CSMD2: variants seen among roughly 807,000 people sequenced by gnomAD.
The protein encoded by CSMD2 is CUB and Sushi multiple domains 2, also known as CUB and sushi domain-containing protein 2.
A neutral mutation model predicts 398.5 loss-of-function variants in CSMD2; 130 were observed. The ratio of observed to expected loss-of-function variants is 0.33; its 90% CI spans 0.28 to 0.38. CSMD2 has a LOEUF of 0.38. CSMD2 is among the 10% of genes least tolerant of loss of function. The probability of loss-of-function intolerance (pLI) is 1.00; values close to 1 mark genes in which losing one functional copy is unlikely to be tolerated. For synonymous variants in CSMD2, 1,828 were observed against 1,908.5 expected, an observed-to-expected ratio of 0.96 and a Z score of 1.10; for missense variants, 3,829 against 4,764.9, an observed-to-expected ratio of 0.80 and a Z score of 5.78.
At chr1:34,010,696 G>C (rs1218503969) in intron 3 of CSMD2, among the ~76,000 whole-genome samples, 1 of 151,728 alleles carries the variant, frequency 6.6e-6, no homozygotes, top group Non-Finnish European at 1.5e-5. Flanking sequence ...TCGGCTCACT[G>C]CAAGCTCCGC....
intron 6 of CSMD2, among the ~76,000 whole-genome samples, chr1:33,841,662 C>CT: frequency 6.6e-6 from 1 of 151,618 alleles, no homozygotes; most frequent in East Asian, 1.9e-4. Context: ...CCTTAAGGAA[C>CT]TTTAAAGTCT....
At chr1:34,009,833 T>C (rs959938545) in intron 3 of CSMD2, among the ~76,000 whole-genome samples, 1 of 152,164 alleles carries the variant, frequency 6.6e-6, no homozygotes, top group Non-Finnish European at 1.5e-5. Context: ...CCTATGTGAC[T>C]CAACCCTAGT....
intron 5 of CSMD2, among the ~76,000 whole-genome samples, chr1:33,866,714 G>T (rs978500583): frequency 6.6e-6 from 1 of 151,974 alleles, no homozygotes; most frequent in African/African-American, 2.4e-5. Context: ...TGCCTCCCTG[G>T]GGCCCTTGCT....
At chr1:33,541,873 T>G (rs1292171348) in intron 58 of CSMD2, among the ~76,000 whole-genome samples, 2 of 152,200 alleles carry the variant, frequency 1.3e-5, no homozygotes, top group Non-Finnish European at 2.9e-5. Flanking sequence ...ATTTGTCTGC[T>G]GAGGGGTACA....
intron 3 of CSMD2, among the ~76,000 whole-genome samples, chr1:34,000,184 T>C (rs931302802): frequency 6.6e-6 from 1 of 152,098 alleles, no homozygotes; most frequent in African/African-American, 2.4e-5. Context: ...TAAAACAAAG[T>C]ATCTCAGTCC....
At chr1:33,959,836 T>C (rs1645292274) in intron 3 of CSMD2, among the ~76,000 whole-genome samples, 1 of 152,180 alleles carries the variant, frequency 6.6e-6, no homozygotes, top group Admixed American at 6.5e-5. Flanking sequence ...CTGCATGCCA[T>C]TTATCCCAAT....
intron 1 of CSMD2, among the ~76,000 whole-genome samples, chr1:34,161,340 G>A (rs1214839872): frequency 6.6e-6 from 1 of 152,242 alleles, no homozygotes; most frequent in Non-Finnish European, 1.5e-5. Flanking sequence ...CTTGGCAGAA[G>A]AGATCTGTCT....
intron 3 of CSMD2, among the ~76,000 whole-genome samples, chr1:34,025,381 A>T (rs924585845): frequency 6.6e-6 from 1 of 152,176 alleles, no homozygotes; most frequent in African/African-American, 2.4e-5. Flanking sequence ...TGAAGCTTGG[A>T]TGAAAGTCAA....
Position 33,514,135 on chromosome 1 carries a change from A to G in CSMD2, c.*2489T>C, listed in dbSNP as rs1238152165. 1 of 152,624 alleles carries G rather than the reference A, an allele frequency of 6.6e-6. No homozygotes were observed. The highest frequency in any genetic ancestry group is 2.4e-5 in the African/African-American group (1 of 41,452). 9.5% of individuals were successfully genotyped at this position (152,624 alleles called of 1,614,324 possible). ...ACAGAGACAGATAAATTAAATGTAT[A>G]TACTGCAGACAAGCCAAGAAGGTGT... On this transcript the variant is annotated 3_prime_UTR_variant, in exon 71 of 71. Transcript: ENST00000373381.
At chr1:33,804,541 C>A (rs1471450060) in intron 10 of CSMD2, among the ~76,000 whole-genome samples, 1 of 151,630 alleles carries the variant, frequency 6.6e-6, no homozygotes, top group African/African-American at 2.4e-5. Context: ...TCCATCAGGA[C>A]TTACCTGCAC....
At chr1:33,978,888 A>C (rs761465212) in intron 3 of CSMD2, among the ~76,000 whole-genome samples, 4 of 152,206 alleles carry the variant, frequency 2.6e-5, no homozygotes, top group Non-Finnish European at 4.4e-5. Flanking sequence ...TCCTCTTAAC[A>C]ACTCCAAGAA....
intron 29 of CSMD2, 68 bp downstream of exon 29, chr1:33,646,580 T>C (rs1557669985): frequency 6.5e-7 from 1 of 1,547,552 alleles, no homozygotes; most frequent in Non-Finnish European, 8.9e-7. Flanking sequence ...CTCACTACGC[T>C]ACACTACTTG....
chr1:34,086,020 G>GGA (rs781295418), intron 2 of CSMD2, among the ~76,000 whole-genome samples: 2 of 130,192 alleles, frequency 1.5e-5, no homozygotes, highest in African/African-American at 2.9e-5. Flanking sequence ...AAGTTTCCTG[G>GGA]AAAAAAAAAA....
chr1:33,657,885 G>A (rs1643999034), intron 27 of CSMD2, 61 bp downstream of exon 27: 1 of 1,485,498 alleles, frequency 6.7e-7, no homozygotes, highest in African/African-American at 1.4e-5. Flanking sequence ...GTGCATGGAA[G>A]GTTCTGGAGC....
At chr1:33,936,062 T>C in intron 3 of CSMD2, 108 bp from the exon 4 acceptor site, 1 of 853,836 alleles carries the variant, frequency 1.2e-6, no homozygotes, top group South Asian at 1.7e-5. Flanking sequence ...TTCCTGGAAC[T>C]CATTTCTTCT....
At chr1:34,125,246 G>C (rs1432147117) in intron 1 of CSMD2, among the ~76,000 whole-genome samples, 1 of 152,138 alleles carries the variant, frequency 6.6e-6, no homozygotes, top group East Asian at 1.9e-4. Context: ...TCAGAGACAG[G>C]GGAAGACAGA....
chr1:34,023,356 A>G (rs1054060896), intron 3 of CSMD2, among the ~76,000 whole-genome samples: 1 of 152,210 alleles, frequency 6.6e-6, no homozygotes, highest in African/African-American at 2.4e-5. Flanking sequence ...GATAAGGATT[A>G]GAACCCAGCC....
At chr1:33,604,926 C>T (rs558393870) in intron 42 of CSMD2, among the ~76,000 whole-genome samples, 1 of 152,320 alleles carries the variant, frequency 6.6e-6, no homozygotes, top group South Asian at 2.1e-4. Context: ...ATTAACTCTA[C>T]CTCTCTAGCT....
In CSMD2 at chr1:33,636,230, C is replaced by T; in HGVS notation, c.4969+130G>A. ...ACTTCTATACACATCCACGGCAAACCCAGGTTTGCCAGGCTTGGAGGAGCC... is the reference window on the plus strand; with the variant it reads ...ACTTCTATACACATCCACGGCAAACTCAGGTTTGCCAGGCTTGGAGGAGCC... On this transcript the variant is annotated intron_variant, in intron 30 of 70. Transcript: ENST00000373381. This position sits in a 1 kb window ranked among gnomAD's most constrained non-coding sequence, Gnocchi z 4.8. 1.2e-6 allele frequency: 1 copy of T among 836,036 alleles called. No individual in the cohort carries two copies. 51.8% of individuals were successfully genotyped at this position (836,036 alleles called of 1,614,324 possible).
Sources: gnomAD v4.1 joint callset for allele counts (sites outside exome capture counted in the v4.1 genomes callset) on GRCh38, gnomAD v4.1.1 for gene constraint, Gnocchi (gnomAD v3.1) non-coding constraint, MANE v1.5 for transcripts, NCBI Gene and HGNC (gene_info 2026-07-23, HGNC 2026-07-21) for gene names.